The following ABLIM1 variants were observed in gnomAD, a reference collection of about 807,000 sequenced individuals.
The protein encoded by ABLIM1 is actin-binding LIM protein 1.
In ABLIM1, 40 loss-of-function variants were observed where a neutral mutation model predicts 107.0. That is an observed-to-expected ratio of 0.37 (90% CI 0.29 to 0.49). ABLIM1 has a LOEUF of 0.49. Ranked by LOEUF, ABLIM1 falls within the 20% of genes least tolerant of loss-of-function variation. ABLIM1 has a pLI of 0.97. For missense variants in ABLIM1, 857 were observed against 1,008.5 expected (o/e 0.85, Z 2.04); for synonymous variants, 357 against 357.3 (o/e 1.00, Z 0.01).
At chr10:114,446,606 T>C (rs1007294739) in intron 15 of ABLIM1, among the ~76,000 whole-genome samples, 1 of 152,206 alleles carries the variant, frequency 6.6e-6, no homozygotes, top group Non-Finnish European at 1.5e-5. Flanking sequence ...ACCTGAAATT[T>C]TTCCTCCTTT....
At chr10:114,594,289 C>T (rs1423757865) in intron 2 of ABLIM1, among the ~76,000 whole-genome samples, 1 of 152,212 alleles carries the variant, frequency 6.6e-6, no homozygotes, top group Non-Finnish European at 1.5e-5. Context: ...CATATGTTTC[C>T]TTACCTGTGG....
chr10:114,680,309 A>C (rs769251103), intron 1 of ABLIM1, among the ~76,000 whole-genome samples: 5 of 152,194 alleles, frequency 3.3e-5, no homozygotes, highest in Non-Finnish European at 5.9e-5. Context: ...AGAGAAGTTG[A>C]GAAATTTGGC....
intron 6 of ABLIM1, among the ~76,000 whole-genome samples, chr10:114,531,318 T>C (rs1466821651): frequency 1.3e-5 from 2 of 152,212 alleles, no homozygotes; most frequent in Admixed American, 1.3e-4. Flanking sequence ...ACTCTTACTA[T>C]CTGTTTGAAG....
Position 114,507,391 on chromosome 10 carries a change from C to A in ABLIM1, c.895-15513G>T, listed in dbSNP as rs527502792. On this transcript the variant is annotated intron_variant, in intron 6 of 22. Coordinates refer to ENST00000533213, the MANE Select transcript of ABLIM1 (RefSeq NM_002313.7). ...AGACATATGAAAGAATTCAGGACCC[C>A]CAGGCTTGGCAATGCCCCAAATGAG... Among the ~76,000 whole-genome samples, 16 of 152,288 alleles carry A rather than the reference C, an allele frequency of 1.1e-4. No homozygotes were observed. The South Asian group carries it at 2.3e-3, about 22-fold the overall frequency.
At chr10:114,439,868 G>T in intron 20 of ABLIM1, 1 of 699,066 alleles carries the variant, frequency 1.4e-6, no homozygotes, top group Non-Finnish European at 2.3e-6. Flanking sequence ...CCTACACCTG[G>T]CCTGGTTCAT....
chr10:114,626,245 A>G (rs571765101), intron 1 of ABLIM1, among the ~76,000 whole-genome samples: 3 of 152,172 alleles, frequency 2.0e-5, no homozygotes, highest in Non-Finnish European at 2.9e-5. Flanking sequence ...TGGATGTGGC[A>G]GGAAGGGGCT....
At chr10:114,760,945 T>C (rs2082732082) in intron 1 of ABLIM1, among the ~76,000 whole-genome samples, 1 of 152,220 alleles carries the variant, frequency 6.6e-6, no homozygotes, top group Non-Finnish European at 1.5e-5. Context: ...ATGGCTAAAC[T>C]TGGCTTTCAA....
chr10:114,635,551 G>A (rs1383310808), intron 1 of ABLIM1, among the ~76,000 whole-genome samples: 1 of 152,202 alleles, frequency 6.6e-6, no homozygotes, highest in Non-Finnish European at 1.5e-5. Context: ...TTGAGACGGA[G>A]TCTCACTCTG....
intron 1 of ABLIM1, among the ~76,000 whole-genome samples, chr10:114,665,171 TG>T (rs1338409786): frequency 6.6e-5 from 10 of 151,930 alleles, no homozygotes; most frequent in Non-Finnish European, 1.5e-4. Context: ...ACATTTTACA[TG>T]AACAACTTTA....
chr10:114,615,885 T>C (rs904468761), intron 1 of ABLIM1, among the ~76,000 whole-genome samples: 53 of 151,488 alleles, frequency 3.5e-4, no homozygotes, highest in Non-Finnish European at 5.7e-4. Context: ...CTAAGCTCTC[T>C]GAATGAGAAC....
intron 8 of ABLIM1, among the ~76,000 whole-genome samples, chr10:114,479,942 T>C (rs1175096620): frequency 6.6e-6 from 1 of 152,228 alleles, no homozygotes; most frequent in South Asian, 2.1e-4. Flanking sequence ...TTTGCTGTTA[T>C]GGCTAAGATA....
At chr10:114,557,673 T>G (rs2068945916) in intron 4 of ABLIM1, among the ~76,000 whole-genome samples, 1 of 59,308 alleles carries the variant, frequency 1.7e-5, no homozygotes, top group Non-Finnish European at 4.1e-5. Context: ...AGTGAGGTGT[T>G]TTTTTTTTTT....
chr10:114,448,490 A>G (rs1256808885), intron 14 of ABLIM1, among the ~76,000 whole-genome samples: 2 of 152,136 alleles, frequency 1.3e-5, no homozygotes, highest in Non-Finnish European at 2.9e-5. Flanking sequence ...AAAATTAAAG[A>G]GCTAAGTTGA....
At chr10:114,767,501 A>AT (rs960381396) in intron 1 of ABLIM1, among the ~76,000 whole-genome samples, 42 of 150,628 alleles carry the variant, frequency 2.8e-4, no homozygotes, top group Admixed American at 1.9e-3. Flanking sequence ...AGCAATTCTG[A>AT]TTTTTTTTTC....
chr10:114,658,809 C>T (rs960706526), upstream of ABLIM1, among the ~76,000 whole-genome samples: 1 of 152,192 alleles, frequency 6.6e-6, no homozygotes, highest in African/African-American at 2.4e-5. Context: ...AATCCTTCTG[C>T]CTCATTCCAT....
At chr10:114,477,146 A>G (rs1445664933) in intron 8 of ABLIM1, among the ~76,000 whole-genome samples, 12 of 152,230 alleles carry the variant, frequency 7.9e-5, no homozygotes. Context: ...TAAGCCCTGC[A>G]CTAAAATTTT....
At chr10:114,709,991 CA>C (rs1284716290) in intron 1 of ABLIM1, among the ~76,000 whole-genome samples, 1 of 152,126 alleles carries the variant, frequency 6.6e-6, no homozygotes, top group African/African-American at 2.4e-5. Context: ...CTACATATAC[CA>C]CCACTCCCAC....
chr10:114,695,118 C>A (rs1289653565), intron 1 of ABLIM1, among the ~76,000 whole-genome samples: 1 of 152,202 alleles, frequency 6.6e-6, no homozygotes, highest in African/African-American at 2.4e-5. Context: ...CTAGTTACAT[C>A]TCCATACATT....
chr10:114,758,785 A>C (rs2082684158), intron 1 of ABLIM1, among the ~76,000 whole-genome samples: 1 of 152,216 alleles, frequency 6.6e-6, no homozygotes, highest in Admixed American at 6.5e-5. Context: ...TAAAGTAAAA[A>C]TATATTATGT....
Sources: allele counts gnomAD v4.1 joint callset (sites outside exome capture counted in the v4.1 genomes callset), GRCh38; gene constraint gnomAD v4.1.1; transcripts MANE v1.5; gene names NCBI Gene and HGNC (gene_info 2026-07-23, HGNC 2026-07-21).